TMCC1: variants seen among roughly 807,000 people sequenced by gnomAD.
The protein encoded by TMCC1 is transmembrane and coiled-coil domains protein 1.
Under a neutral mutation model 52.4 loss-of-function variants are expected in TMCC1, and 15 were observed. That is an observed-to-expected ratio of 0.29 (90% CI 0.19 to 0.44). The LOEUF is 0.44. Among genes scored for constraint, TMCC1 ranks in the 20% least tolerant of loss-of-function variants. The pLI is 1.00. For missense variants in TMCC1, 503 were observed against 806.0 expected (o/e 0.62, Z 4.55); for synonymous variants, 279 against 301.9 (o/e 0.92, Z 0.79).
chr3:129,709,444 C>T (rs1386945713), intron 4 of TMCC1, among the ~76,000 whole-genome samples: 2 of 131,626 alleles, frequency 1.5e-5, no homozygotes, highest in Non-Finnish European at 3.1e-5. Flanking sequence ...CCACTGTACT[C>T]CAGCCTGAGC....
chr3:129,655,293 C>T (rs1298949434), intron 5 of TMCC1, among the ~76,000 whole-genome samples, 190 bp from the exon 6 acceptor site: 2 of 152,120 alleles, frequency 1.3e-5, no homozygotes, highest in East Asian at 1.9e-4. Flanking sequence ...GTCTCAAGGC[C>T]AAATCACGTG....
intron 2 of TMCC1, among the ~76,000 whole-genome samples, chr3:129,850,805 C>T (rs1225749520): frequency 1.3e-5 from 2 of 152,204 alleles, no homozygotes. Flanking sequence ...ACTAGACTAA[C>T]TAAAAGTATC....
intron 4 of TMCC1, among the ~76,000 whole-genome samples, chr3:129,742,293 C>T (rs2051527198): frequency 6.6e-6 from 1 of 152,110 alleles, no homozygotes; most frequent in Non-Finnish European, 1.5e-5. Flanking sequence ...AAGATAAAAA[C>T]CACAGAGGAA....
At chr3:129,840,844 C>T (rs1377961310) in intron 2 of TMCC1, among the ~76,000 whole-genome samples, 3 of 152,120 alleles carry the variant, frequency 2.0e-5, no homozygotes, top group Admixed American at 6.6e-5. Context: ...TACCCAGTCT[C>T]AGGTAGTTTT....
chr3:129,652,811 C>T (rs149119765), intron 6 of TMCC1, among the ~76,000 whole-genome samples: 7 of 152,182 alleles, frequency 4.6e-5, no homozygotes, highest in Admixed American at 2.6e-4. Context: ...AGAGATGGCC[C>T]ACCTTTTTGG....
chr3:129,808,063 ATT>A (rs1456418776), intron 4 of TMCC1, among the ~76,000 whole-genome samples: 2 of 118,044 alleles, frequency 1.7e-5, no homozygotes, highest in Non-Finnish European at 3.2e-5. Flanking sequence ...TTTTGAAAAT[ATT>A]GAGAGATTTT....
chr3:129,842,421 G>A (rs577187994), intron 2 of TMCC1, among the ~76,000 whole-genome samples: 4 of 151,996 alleles, frequency 2.6e-5, no homozygotes, highest in Non-Finnish European at 4.4e-5. Context: ...AGCAGAGATC[G>A]TGCCACTGTA....
At chr3:129,733,073 T>C (rs534334202) in intron 4 of TMCC1, among the ~76,000 whole-genome samples, 1 of 152,312 alleles carries the variant, frequency 6.6e-6, no homozygotes, top group Non-Finnish European at 1.5e-5. Context: ...TTAGTGCAAC[T>C]TTTAAGATAC....
chr3:129,738,450 C>T (rs1392170130), intron 4 of TMCC1, among the ~76,000 whole-genome samples: 1 of 152,152 alleles, frequency 6.6e-6, no homozygotes, highest in African/African-American at 2.4e-5. Flanking sequence ...GTTGCAGTAC[C>T]AGTTACTAAT....
intron 2 of TMCC1, among the ~76,000 whole-genome samples, chr3:129,876,870 T>C (rs2061240354): frequency 6.6e-6 from 1 of 152,014 alleles, no homozygotes. Context: ...GGCAGGAGAA[T>C]GGTGTGAAAC....
At chr3:129,835,187 T>C (rs1266852631) in intron 2 of TMCC1, among the ~76,000 whole-genome samples, 1 of 152,222 alleles carries the variant, frequency 6.6e-6, no homozygotes, top group Non-Finnish European at 1.5e-5. Flanking sequence ...TTTGATCCTC[T>C]TGAAATCCTT....
intron 4 of TMCC1, among the ~76,000 whole-genome samples, chr3:129,797,542 G>C (rs946248265): frequency 6.6e-6 from 1 of 152,076 alleles, no homozygotes; most frequent in Admixed American, 6.6e-5. Flanking sequence ...AGAAATTCGA[G>C]AGTAGCCTGG....
chr3:129,804,702 T>C (rs1055821803), intron 4 of TMCC1, among the ~76,000 whole-genome samples: 1 of 152,132 alleles, frequency 6.6e-6, no homozygotes, highest in East Asian at 1.9e-4. Flanking sequence ...GCACGGTATA[T>C]CTAATTGTCA....
chr3:129,801,689 C>CT (rs568946764), intron 4 of TMCC1, among the ~76,000 whole-genome samples: 34 of 152,304 alleles, frequency 2.2e-4, no homozygotes, highest in South Asian at 1.4e-3. Flanking sequence ...CCACCTCGGC[C>CT]TCCAAAAGTT....
chr3:129,800,180 T>C (rs540522529), intron 4 of TMCC1, among the ~76,000 whole-genome samples: 3 of 152,228 alleles, frequency 2.0e-5, no homozygotes, highest in Non-Finnish European at 2.9e-5. Flanking sequence ...TAACAGTTCT[T>C]TATTATTACT....
chr3:129,836,327 T>C (rs376935979), intron 2 of TMCC1, among the ~76,000 whole-genome samples: 5 of 152,168 alleles, frequency 3.3e-5, no homozygotes, highest in Admixed American at 6.5e-5. Context: ...GGTAGAAATA[T>C]AGATTTGAAT....
intron 4 of TMCC1, among the ~76,000 whole-genome samples, chr3:129,691,470 T>G (rs1002784749): frequency 6.6e-6 from 1 of 152,110 alleles, no homozygotes; most frequent in Non-Finnish European, 1.5e-5. Context: ...TAGGTCTTTA[T>G]GTGTCCTGTA....
chr3:129,862,950 G>A (rs556224470), intron 2 of TMCC1, among the ~76,000 whole-genome samples: 29 of 152,192 alleles, frequency 1.9e-4, no homozygotes, highest in African/African-American at 6.5e-4. Context: ...AAAGTCTAAA[G>A]ACCTTATTTT....
At chr3:129,685,203 G>C (rs1055434541) in intron 4 of TMCC1, among the ~76,000 whole-genome samples, 1 of 151,962 alleles carries the variant, frequency 6.6e-6, no homozygotes. Flanking sequence ...AACACAGAAA[G>C]ACCATGTCTT....
Sources: gnomAD v4.1 joint callset for allele counts (sites outside exome capture counted in the v4.1 genomes callset) on GRCh38, gnomAD v4.1.1 for gene constraint, MANE v1.5 for transcripts, NCBI Gene and HGNC (gene_info 2026-07-23, HGNC 2026-07-21) for gene names.